Variants in PREX2 observed in about 807,000 individuals in gnomAD.
The protein encoded by PREX2 is phosphatidylinositol-3,4,5-trisphosphate dependent Rac exchange factor 2.
In PREX2, 107 loss-of-function variants were observed where a neutral mutation model predicts 203.2. The observed-to-expected ratio is 0.53, with a 90% CI of 0.45 to 0.62. PREX2 has a LOEUF of 0.62. PREX2 is among the 20% of genes least tolerant of loss of function. The probability of loss-of-function intolerance (pLI) is 0.00; values close to 1 mark genes in which losing one functional copy is unlikely to be tolerated. For synonymous variants in PREX2, 672 were observed against 663.6 expected, an observed-to-expected ratio of 1.01 and a Z score of -0.19; for missense variants, 1,777 against 1,955.9, an observed-to-expected ratio of 0.91 and a Z score of 1.72.
chr8:68,130,644 G>T (rs1285790356), intron 31 of PREX2, among the ~76,000 whole-genome samples: 2 of 152,168 alleles, frequency 1.3e-5, no homozygotes, highest in East Asian at 3.9e-4. Context: ...TCCACATGGG[G>T]ATCTGATACC....
At chr8:68,005,736 C>A (rs1350942769) in intron 1 of PREX2, among the ~76,000 whole-genome samples, 2 of 152,182 alleles carry the variant, frequency 1.3e-5, no homozygotes, top group East Asian at 1.9e-4. Flanking sequence ...GTAGTATGTA[C>A]CACCATCTGA....
intron 1 of PREX2, among the ~76,000 whole-genome samples, chr8:67,998,432 T>A (rs1806834770): frequency 6.6e-6 from 1 of 152,046 alleles, no homozygotes; most frequent in South Asian, 2.1e-4. Flanking sequence ...AAGCTTGGCT[T>A]ATATCTAGGA....
chr8:68,152,897 C>T lies in PREX2; in HGVS notation c.4232-4425C>T, dbSNP rs534119756. Among the ~76,000 whole-genome samples, 6 of 152,276 alleles carry T rather than the reference C, an allele frequency of 3.9e-5. No individual in the cohort carries two copies. The South Asian group carries it at 1.2e-3, about 32-fold the overall frequency. On this transcript the variant is annotated intron_variant, in intron 34 of 39. Transcript: ENST00000288368. ...AGTGTGTCCGTAGTCATCATCTCAG[C>T]CCCTTTAGCTTCACTTTCCTGTGGT...
Position 68,080,484 on chromosome 8 carries a change from C to T in PREX2, c.1684C>T (p.Arg562Cys), listed in dbSNP as rs778128731. The T allele has an allele frequency of 2.6e-5, 41 of 1,606,366 alleles. No homozygotes were observed. In the Middle Eastern group the frequency reaches 5.0e-4, roughly 19 times the overall value. ...SEFKDEPLLF[R>C]FFSDEEMEGS... ...ATTCAAAGATGAACCCCTACTTTTCCGTTTTTTTTCGGATGAGGAAATGGA... is the reference window on the plus strand; with the variant it reads ...ATTCAAAGATGAACCCCTACTTTTCTGTTTTTTTTCGGATGAGGAAATGGA... Residue 562 changes from arginine to cysteine, a missense_variant, in exon 16 of 40, where the codon CGT becomes TGT. Arg to Cys is a radical substitution (Grantham distance 180). Coordinates refer to ENST00000288368, the MANE Select transcript of PREX2 (RefSeq NM_024870.4).
At chr8:68,048,196 G>A (rs1808425294) in intron 8 of PREX2, among the ~76,000 whole-genome samples, 1 of 152,000 alleles carries the variant, frequency 6.6e-6, no homozygotes, top group Non-Finnish European at 1.5e-5. Flanking sequence ...GGGTCTACTA[G>A]TTTGATCATG....
intron 35 of PREX2, among the ~76,000 whole-genome samples, chr8:68,181,612 G>A (rs1812088113): frequency 6.6e-6 from 1 of 152,070 alleles, no homozygotes; most frequent in African/African-American, 2.4e-5. Context: ...TATGTTTTGT[G>A]ATGGAGAAAA....
rs566515786 is a variant in PREX2 at position 68,036,849 on chromosome 8, A to G, written c.706-1310A>G. On this transcript the variant is annotated intron_variant, in intron 6 of 39. Transcript: ENST00000288368. The stretch of plus-strand genomic sequence containing the variant: ...TCCTAGCTACTCGGGAGGCTGAGGC[A>G]GGAGAATCGCTTTCCAGGAGGCGGA... Among the ~76,000 whole-genome samples, 34 of 152,184 alleles carry G rather than the reference A, an allele frequency of 2.2e-4. 1 individual carries two copies. The highest frequency in any genetic ancestry group is 2.8e-4 in the Non-Finnish European group (19 of 68,034).
intron 1 of PREX2, among the ~76,000 whole-genome samples, chr8:68,006,523 G>A (rs1807099274): frequency 6.6e-6 from 1 of 152,134 alleles, no homozygotes; most frequent in South Asian, 2.1e-4. Context: ...CTTTAGACCA[G>A]TGATCAGCTA....
At chr8:68,123,973 C>A (rs551577712) in intron 30 of PREX2, among the ~76,000 whole-genome samples, 1 of 151,952 alleles carries the variant, frequency 6.6e-6, no homozygotes, top group Non-Finnish European at 1.5e-5. Flanking sequence ...AAAAAGAAAA[C>A]TTCAGGCCAG....
At chr8:68,216,810 G>A (rs1812847963) in intron 37 of PREX2, among the ~76,000 whole-genome samples, 1 of 151,994 alleles carries the variant, frequency 6.6e-6, no homozygotes, top group African/African-American at 2.4e-5. Context: ...ACAAAAATTA[G>A]CTGGGTGTGG....
intron 34 of PREX2, among the ~76,000 whole-genome samples, chr8:68,148,553 T>A (rs1811372538): frequency 6.6e-6 from 1 of 152,250 alleles, no homozygotes; most frequent in African/African-American, 2.4e-5. Context: ...GGCAAAAAAT[T>A]ATTTTGCAAG....
chr8:68,053,136 G>A lies in PREX2; in HGVS notation c.983G>A (p.Trp328Ter), dbSNP rs1270240284. ...AGTGGACACATTGTTGTTAATGGAT[G>A]GAAGATACATAACACAGCAAAAAAT... ...HSSGHIVVNG[W>*]KIHNTAKNKW... is the part of the protein sequence containing the mutation. The change falls in exon 9 of 40, where the codon TGG becomes TAG. Residue 328 changes from tryptophan to a stop codon, truncating the protein, a stop_gained. Transcript: ENST00000288368. LOFTEE classifies it high-confidence loss of function. 6.2e-7 allele frequency: 1 copy of A among 1,613,288 alleles called. No individual in the cohort carries two copies. The highest frequency in any genetic ancestry group is 1.7e-5 in the Admixed American group (1 of 59,948).
chr8:68,150,903 T>G (rs999730129), intron 34 of PREX2, among the ~76,000 whole-genome samples: 2 of 152,172 alleles, frequency 1.3e-5, no homozygotes, highest in Non-Finnish European at 2.9e-5. Flanking sequence ...TTTTGGCCTT[T>G]GGTGTCTTCC....
intron 1 of PREX2, among the ~76,000 whole-genome samples, chr8:67,969,689 G>C (rs777787801): frequency 5.2e-4 from 79 of 152,260 alleles, no homozygotes; most frequent in Non-Finnish European, 9.7e-4. Context: ...ACCAGCTGCT[G>C]GGACCTTCCT....
rs914966149 is a variant in PREX2, at chr8:68,236,838, A to G, written c.*5460A>G. The G allele has an allele frequency of 7.9e-5, 12 of 152,136 alleles. No homozygotes were observed. Among genetic ancestry groups the G allele is most frequent in the African/African-American group, 2.7e-4 (11 of 41,454 alleles). The allele number at this position is 152,136 out of a possible 1,614,324, so 9.4% of individuals were successfully genotyped here. On this transcript the variant is annotated 3_prime_UTR_variant, in exon 40 of 40. Coordinates refer to ENST00000288368, the MANE Select transcript of PREX2 (RefSeq NM_024870.4). ...ATAAATTTCATCTGGATGTGTTATT[A>G]TAAAAGTCATCTTTTTTTCCTTTGT...
At chr8:68,051,258 A>C (rs1423677304) in intron 8 of PREX2, among the ~76,000 whole-genome samples, 2 of 152,076 alleles carry the variant, frequency 1.3e-5, no homozygotes. Flanking sequence ...CACTGTGTTC[A>C]TTTTAGAGTA....
intron 1 of PREX2, among the ~76,000 whole-genome samples, chr8:67,996,881 T>C (rs7014096): frequency 0.51 from 76,774 of 151,994 alleles, 19,667 homozygotes; most frequent in East Asian, 0.6. Context: ...TCTGGCAACA[T>C]AGTTAAAATG....
rs558451324 is a variant in PREX2 at position 68,070,638 on chromosome 8, G to A, written c.1493+754G>A. Among the ~76,000 whole-genome samples, 13 of 152,152 alleles carry A rather than the reference G, an allele frequency of 8.5e-5. No individual in the cohort carries two copies. In the South Asian group the frequency reaches 1.5e-3, roughly 17 times the overall value. ...GAATTTACTGACTAAATCATAGTCC[G>A]CAACAAAATATGCCTGTACCATTTT... On this transcript the variant is annotated intron_variant, in intron 13 of 39. Coordinates refer to ENST00000288368, the MANE Select transcript of PREX2 (RefSeq NM_024870.4).
intron 25 of PREX2, among the ~76,000 whole-genome samples, chr8:68,113,956 G>A (rs1051301953): frequency 6.6e-5 from 10 of 152,024 alleles, no homozygotes; most frequent in Non-Finnish European, 1.2e-4. Flanking sequence ...CCATCTCCAG[G>A]GTTCAAGCGA....
Sources: allele counts gnomAD v4.1 joint callset (sites outside exome capture counted in the v4.1 genomes callset), GRCh38; gene constraint gnomAD v4.1.1; transcripts MANE v1.5; gene names NCBI Gene and HGNC (gene_info 2026-07-23, HGNC 2026-07-21).